The following FAM53A variants were observed in gnomAD, a reference collection of about 807,000 sequenced individuals.
FAM53A encodes the protein protein FAM53A.
In FAM53A, 28 loss-of-function variants were observed where a neutral mutation model predicts 26.6. The ratio of observed to expected loss-of-function variants is 1.05; its 90% CI spans 0.78 to 1.45. The LOEUF is 1.45. Among genes scored for constraint, FAM53A ranks in the 40% most tolerant of loss-of-function variants. The probability of loss-of-function intolerance (pLI) is 0.00; values close to 1 mark genes in which losing one functional copy is unlikely to be tolerated. For synonymous variants in FAM53A, 290 were observed against 253.1 expected, an observed-to-expected ratio of 1.15 and a Z score of -1.38; for missense variants, 650 against 575.8, an observed-to-expected ratio of 1.13 and a Z score of -1.32.
At chr4:1,625,549 C>T (rs549208256) in intron 1 of FAM53A, among the ~76,000 whole-genome samples, 4 of 77,600 alleles carry the variant, frequency 5.2e-5, no homozygotes, top group South Asian at 1.1e-3. Context: ...GATCAGAAGG[C>T]CCCACGTCCC....
intron 1 of FAM53A, among the ~76,000 whole-genome samples, chr4:1,625,509 C>T (rs1320066924): frequency 2.4e-5 from 2 of 83,438 alleles, no homozygotes; most frequent in Non-Finnish European, 4.5e-5. Context: ...CCCCACGTCC[C>T]GGCCCACGTG....
chr4:1,672,442 G>A (rs76754799), intron 1 of FAM53A, among the ~76,000 whole-genome samples: 1,901 of 152,318 alleles, frequency 0.012, 29 homozygotes, highest in Middle Eastern at 0.024. Flanking sequence ...GGCGGGAAGC[G>A]CCTCCTCACG....
chr4:1,606,859 C>T, the FAM53A span, among the ~76,000 whole-genome samples: 1 of 152,212 alleles, frequency 6.6e-6, no homozygotes, highest in African/African-American at 2.4e-5. Flanking sequence ...GGGCCTGTAC[C>T]CAGAGGCGGA....
At chr4:1,581,905 T>C in the FAM53A span, among the ~76,000 whole-genome samples, 3 of 151,488 alleles carry the variant, frequency 2.0e-5, no homozygotes, top group Non-Finnish European at 2.9e-5. Context: ...TTTTTTTTTT[T>C]TGATATAGGG....
rs912436107 is a variant in FAM53A at position 1,644,310 on chromosome 4, G to A, written c.883-2703C>T. Reference sequence around the variant, plus strand: ...GTAAGCTCACGCCGAGGCCTCGGACGCGGGACTCGCACTCGCGGGCACAGC... The same window carrying A: ...GTAAGCTCACGCCGAGGCCTCGGACACGGGACTCGCACTCGCGGGCACAGC... On this transcript the variant is annotated intron_variant, in intron 4 of 4. Coordinates refer to ENST00000308132, the MANE Select transcript of FAM53A (RefSeq NM_001174070.3). The A allele has an allele frequency of 2.1e-5, 33 of 1,535,872 alleles. No homozygotes were observed. In the East Asian group the frequency reaches 4.2e-4, roughly 19 times the overall value.
intron 1 of FAM53A, among the ~76,000 whole-genome samples, chr4:1,632,153 G>T (rs962797772): frequency 8.0e-6 from 1 of 124,658 alleles, no homozygotes; most frequent in Non-Finnish European, 1.6e-5. Context: ...GACACAGTAA[G>T]ATTCCATCTC....
At chr4:1,657,524 A>G (rs1713486338) in intron 2 of FAM53A, 56 bp from the exon 3 acceptor site, 2 of 1,475,790 alleles carry the variant, frequency 1.4e-6, no homozygotes, top group Non-Finnish European at 1.9e-6. Context: ...TTCGGCAATA[A>G]TATCCCCCAT....
At chr4:1,639,215 C>T (rs920672344), downstream of FAM53A, among the ~76,000 whole-genome samples, 1 of 152,212 alleles carries the variant, frequency 6.6e-6, no homozygotes, top group African/African-American at 2.4e-5. Flanking sequence ...TCCAGCCCCA[C>T]AGCCAGCCTC....
At chr4:1,652,218 A>T (rs1469611633) in intron 4 of FAM53A, among the ~76,000 whole-genome samples, 1 of 127,576 alleles carries the variant, frequency 7.8e-6, no homozygotes, top group Non-Finnish European at 1.8e-5. Context: ...TGCCACACAC[A>T]CCACACACAC....
At chr4:1,583,409 G>A in the FAM53A span, among the ~76,000 whole-genome samples, 1 of 152,332 alleles carries the variant, frequency 6.6e-6, no homozygotes, top group Non-Finnish European at 1.5e-5. Context: ...CTGGTCAGAG[G>A]AGTCTCGTGT....
the FAM53A span, among the ~76,000 whole-genome samples, chr4:1,578,550 C>T: frequency 1.1e-4 from 16 of 151,572 alleles, no homozygotes; most frequent in Non-Finnish European, 2.1e-4. Context: ...ATCACACGGG[C>T]CTTGCTGGGG....
At chr4:1,637,987 G>T (rs1715922486), downstream of FAM53A, among the ~76,000 whole-genome samples, 1 of 151,636 alleles carries the variant, frequency 6.6e-6, no homozygotes, top group Non-Finnish European at 1.5e-5. Context: ...GCTAGTCGAG[G>T]AAAGACCAAG....
intron 1 of FAM53A, among the ~76,000 whole-genome samples, chr4:1,623,333 C>T (rs1316919923): frequency 2.7e-5 from 2 of 73,560 alleles, no homozygotes; most frequent in Non-Finnish European, 7.2e-5. Context: ...CCTGCTGCCA[C>T]CCCCACCCCC....
chr4:1,649,170 AGGGAAAGGGAAGGGGAAG>A (rs1560151094), intron 4 of FAM53A, among the ~76,000 whole-genome samples: 34 of 73,292 alleles, frequency 4.6e-4, no homozygotes, highest in African/African-American at 1.7e-3. Context: ...GGAAGGGGAA[AGGGAAAGGGAAGGGGAAG>A]GGGAAGGGGA....
At chr4:1,635,118 G>A (rs943813197), downstream of FAM53A, among the ~76,000 whole-genome samples, 5 of 152,036 alleles carry the variant, frequency 3.3e-5, no homozygotes, top group African/African-American at 1.2e-4. Context: ...TGCATCTCTA[G>A]TTCTGCCTCT....
chr4:1,625,815 G>A (rs535433100), intron 1 of FAM53A, among the ~76,000 whole-genome samples: 4 of 152,198 alleles, frequency 2.6e-5, no homozygotes, highest in Non-Finnish European at 5.9e-5. Flanking sequence ...GGCCCACGTG[G>A]TCAGGGTCAC....
At chr4:1,595,487 T>G in the FAM53A span, among the ~76,000 whole-genome samples, 2 of 152,072 alleles carry the variant, frequency 1.3e-5, no homozygotes, top group Non-Finnish European at 2.9e-5. Context: ...GCTGGGCACA[T>G]CAGAAACCAC....
the FAM53A span, among the ~76,000 whole-genome samples, chr4:1,585,147 C>T: frequency 2.0e-5 from 3 of 152,112 alleles, no homozygotes; most frequent in Admixed American, 2.0e-4. Context: ...TGACTTTCAA[C>T]AACACAATAT....
At chr4:1,677,831 G>C (rs1247135838) in intron 1 of FAM53A, among the ~76,000 whole-genome samples, 1 of 152,166 alleles carries the variant, frequency 6.6e-6, no homozygotes, top group Non-Finnish European at 1.5e-5. Context: ...TATAATCCCA[G>C]CTACTCAGGA....
Sources: allele counts gnomAD v4.1 joint callset (sites outside exome capture counted in the v4.1 genomes callset), GRCh38; gene constraint gnomAD v4.1.1; transcripts MANE v1.5; gene names NCBI Gene and HGNC (gene_info 2026-07-23, HGNC 2026-07-21).